The following ZDHHC21 variants were observed in gnomAD, a reference collection of about 807,000 sequenced individuals.
ZDHHC21 encodes the protein zDHHC palmitoyltransferase 21, also known as palmitoyltransferase ZDHHC21.
In ZDHHC21, 15 loss-of-function variants were observed where a neutral mutation model predicts 34.6. The ratio of observed to expected loss-of-function variants is 0.43; its 90% CI spans 0.29 to 0.67. The LOEUF is 0.67. ZDHHC21 is among the 30% of genes least tolerant of loss of function. The pLI is 0.14. For synonymous variants in ZDHHC21, 142 were observed against 101.8 expected (o/e 1.40, Z -2.38); for missense variants, 344 against 327.7 (o/e 1.05, Z -0.38).
At chr9:14,661,528 T>C (rs919175041) in intron 6 of ZDHHC21, among the ~76,000 whole-genome samples, 1 of 152,200 alleles carries the variant, frequency 6.6e-6, no homozygotes, top group African/African-American at 2.4e-5. Flanking sequence ...CAGAATTAAA[T>C]ACAATATCTT....
chr9:14,658,201 C>T, intron 7 of ZDHHC21, among the ~76,000 whole-genome samples: 1 of 152,120 alleles, frequency 6.6e-6, no homozygotes, highest in Non-Finnish European at 1.5e-5. Context: ...AACCAAGACA[C>T]ACGTATTGAA....
At chr9:14,656,092 C>T (rs145463808) in intron 7 of ZDHHC21, among the ~76,000 whole-genome samples, 51 of 151,782 alleles carry the variant, frequency 3.4e-4, no homozygotes, top group Admixed American at 1.3e-3. Context: ...AAAGGTATAA[C>T]GAAATTTGGA....
the ZDHHC21 span, among the ~76,000 whole-genome samples, chr9:14,591,910 TTTAA>T: frequency 1.3e-5 from 2 of 152,160 alleles, no homozygotes; most frequent in Non-Finnish European, 2.9e-5. Flanking sequence ...ATATCTGTTT[TTTAA>T]TTTTCTTATT....
At chr9:14,605,177 C>A in the ZDHHC21 span, among the ~76,000 whole-genome samples, 186 of 150,944 alleles carry the variant, frequency 1.2e-3, no homozygotes, top group Non-Finnish European at 1.1e-3. Context: ...ATGGGGAGTG[C>A]AAATATCTCT....
At chr9:14,679,095 C>T (rs1203932097) in intron 3 of ZDHHC21, among the ~76,000 whole-genome samples, 3 of 152,036 alleles carry the variant, frequency 2.0e-5, no homozygotes, top group Admixed American at 6.6e-5. Flanking sequence ...TTTATCAAAA[C>T]TCAGCATATG....
In ZDHHC21 at chr9:14,614,432, G is replaced by C. The variant is rs548589755; in HGVS notation, c.*4534C>G. The C allele has an allele frequency of 3.5e-4, 53 of 151,840 alleles. 1 individual carries two copies. The highest frequency in any genetic ancestry group is 1.3e-3 in the African/African-American group (53 of 41,518). The allele number at this position is 151,840 out of a possible 1,614,324, so 9.4% of individuals were successfully genotyped here. A position where few individuals can be genotyped will look rare whatever the true frequency, so the allele number is the denominator to read the frequency against. On this transcript the variant is annotated 3_prime_UTR_variant, in exon 10 of 10. Coordinates refer to ENST00000380916, the MANE Select transcript of ZDHHC21 (RefSeq NM_178566.6). ...AATGATAATAAAAGAAGTCAGAAAA[G>C]TCACTTTCCTGAAGTTAAACCATCA...
At chr9:14,646,344 A>G (rs1325643607) in intron 7 of ZDHHC21, among the ~76,000 whole-genome samples, 1 of 152,170 alleles carries the variant, frequency 6.6e-6, no homozygotes, top group Non-Finnish European at 1.5e-5. Context: ...CACATTTTAC[A>G]ATATAAAAGG....
At chr9:14,690,979 A>C (rs1465645573) in intron 1 of ZDHHC21, among the ~76,000 whole-genome samples, 1 of 152,232 alleles carries the variant, frequency 6.6e-6, no homozygotes, top group Non-Finnish European at 1.5e-5. Context: ...AAAAGGTTAC[A>C]TTCCTTAATA....
chr9:14,629,440 T>C (rs1329790033), intron 8 of ZDHHC21, among the ~76,000 whole-genome samples: 3 of 152,096 alleles, frequency 2.0e-5, no homozygotes, highest in Non-Finnish European at 4.4e-5. Context: ...CTTACAGAAA[T>C]ACCTCGAAGA....
chr9:14,629,814 C>G (rs1044416122), intron 8 of ZDHHC21, among the ~76,000 whole-genome samples: 1 of 151,904 alleles, frequency 6.6e-6, no homozygotes, highest in Non-Finnish European at 1.5e-5. Context: ...TTTGGAAGGC[C>G]GAGGCAGGTG....
chr9:14,648,084 C>T (rs758079607), intron 7 of ZDHHC21, among the ~76,000 whole-genome samples: 4 of 152,094 alleles, frequency 2.6e-5, no homozygotes, highest in Non-Finnish European at 5.9e-5. Context: ...TATCTCCATT[C>T]TTCCAGTTGT....
rs115834570 is a variant in ZDHHC21, at chr9:14,692,793, C to T, written c.-225+436G>A. Among the ~76,000 whole-genome samples the T allele has an allele frequency of 3.6e-3, 513 of 142,300 alleles. 3 individuals carry two copies. Among genetic ancestry groups the T allele is most frequent in the African/African-American group, 0.012 (491 of 40,746 alleles). 93.4% of individuals were successfully genotyped at this position (142,300 alleles called of 152,430 possible). A position where few individuals can be genotyped will look rare whatever the true frequency, so the allele number is the denominator to read the frequency against. ...CCAGAAGTCTGGAATGAATGAAAAG[C>T]TCTGGAATAGCACAGAGAAACCCGG... On this transcript the variant is annotated intron_variant, in intron 1 of 9. Transcript: ENST00000380916.
At chr9:14,668,585 G>A (rs182393182) in intron 5 of ZDHHC21, among the ~76,000 whole-genome samples, 6,304 of 151,098 alleles carry the variant, frequency 0.042, 427 homozygotes, top group African/African-American at 0.15. Flanking sequence ...GGAATCACAC[G>A]ACCTGACTTC....
intron 7 of ZDHHC21, among the ~76,000 whole-genome samples, chr9:14,646,761 C>A (rs969033493): frequency 1.3e-5 from 2 of 152,082 alleles, no homozygotes; most frequent in Non-Finnish European, 2.9e-5. Flanking sequence ...TTTCCTTGAC[C>A]AAATTACAGA....
intron 7 of ZDHHC21, 87 bp from the exon 8 acceptor site, chr9:14,640,099 C>T: frequency 1.5e-6 from 1 of 648,884 alleles, no homozygotes; most frequent in Non-Finnish European, 2.7e-6. Flanking sequence ...TGAGCCATAA[C>T]ACATCTTCCT....
At chr9:14,668,175 A>G (rs1475819881) in intron 5 of ZDHHC21, among the ~76,000 whole-genome samples, 13 of 126,022 alleles carry the variant, frequency 1.0e-4, no homozygotes, top group South Asian at 8.9e-4. Flanking sequence ...AAATCAATGT[A>G]CAAAAATCAC....
chr9:14,629,515 C>T (rs1471598181), intron 8 of ZDHHC21, among the ~76,000 whole-genome samples: 1 of 152,138 alleles, frequency 6.6e-6, no homozygotes, highest in African/African-American at 2.4e-5. Flanking sequence ...AAAAATTTTT[C>T]GGTTTCTCAC....
chr9:14,632,484 CAATA>C (rs542959173), intron 8 of ZDHHC21, among the ~76,000 whole-genome samples: 1 of 151,554 alleles, frequency 6.6e-6, no homozygotes, highest in Non-Finnish European at 1.5e-5. Context: ...AAAGCTAAAA[CAATA>C]AAACCCTTAG....
intron 6 of ZDHHC21, among the ~76,000 whole-genome samples, chr9:14,661,994 C>T (rs1489172292): frequency 6.8e-6 from 1 of 146,870 alleles, no homozygotes; most frequent in Non-Finnish European, 1.5e-5. Flanking sequence ...TTAATTCTTA[C>T]TTTTTTGGCT....
Sources: gnomAD v4.1 joint callset for allele counts (sites outside exome capture counted in the v4.1 genomes callset) on GRCh38, gnomAD v4.1.1 for gene constraint, MANE v1.5 for transcripts, NCBI Gene and HGNC (gene_info 2026-07-23, HGNC 2026-07-21) for gene names.